Variants in USP47 observed in about 807,000 individuals in gnomAD.
The protein encoded by USP47 is ubiquitin specific peptidase 47.
A neutral mutation model predicts 165.1 loss-of-function variants in USP47; 35 were observed. The observed-to-expected ratio is 0.21, with a 90% CI of 0.16 to 0.28. USP47 has a LOEUF of 0.28. Among genes scored for constraint, USP47 ranks in the 10% least tolerant of loss-of-function variants. The pLI is 1.00. For synonymous variants in USP47, 531 were observed against 544.5 expected, an observed-to-expected ratio of 0.98 and a Z score of 0.35; for missense variants, 1,277 against 1,607.4, an observed-to-expected ratio of 0.79 and a Z score of 3.52.
intron 1 of USP47, among the ~76,000 whole-genome samples, chr11:11,843,324 G>A (rs2134097573): frequency 6.6e-6 from 1 of 152,314 alleles, no homozygotes; most frequent in South Asian, 2.1e-4. Flanking sequence ...TTTGTCAGAA[G>A]GGCAGTGATA....
Position 11,842,216 on chromosome 11 carries a change from C to G in USP47, c.31C>G (p.Pro11Ala), listed in dbSNP as rs773163820. The G allele has an allele frequency of 6.4e-7, 1 of 1,553,608 alleles. No individual in the cohort carries two copies. MVPGEENQLV[P>A]KEIENAAEEP... ...GCCCGGCGAGGAGAACCAACTGGTC[C>G]CGAAAGAGGTGAGGGGCCCCAGAGG... Residue 11 changes from proline to alanine, a missense_variant, in exon 1 of 28, where the codon CCG (proline) becomes GCG (alanine). Pro to Ala is a conservative substitution (Grantham distance 27, BLOSUM62 -1). Transcript: ENST00000527733.
intron 1 of USP47, among the ~76,000 whole-genome samples, chr11:11,859,492 G>A (rs1346427471): frequency 1.3e-5 from 2 of 152,046 alleles, no homozygotes; most frequent in Non-Finnish European, 2.9e-5. Context: ...AAGGTTTGTC[G>A]CTAAATTATG....
At chr11:11,844,727 T>C (rs886630656) in intron 1 of USP47, among the ~76,000 whole-genome samples, 1 of 152,148 alleles carries the variant, frequency 6.6e-6, no homozygotes, top group Non-Finnish European at 1.5e-5. Flanking sequence ...TCTAAAGATT[T>C]TTTTTTTTTG....
intron 1 of USP47, among the ~76,000 whole-genome samples, chr11:11,849,140 C>A (rs374694063): frequency 6.7e-5 from 10 of 149,686 alleles, no homozygotes; most frequent in African/African-American, 2.0e-4. Flanking sequence ...TGGGCTTAAG[C>A]AATCCTCCTG....
intron 17 of USP47, among the ~76,000 whole-genome samples, chr11:11,937,525 C>T (rs1257727133): frequency 6.7e-6 from 1 of 149,914 alleles, no homozygotes; most frequent in Non-Finnish European, 1.5e-5. Flanking sequence ...ACTTCGACTT[C>T]TAAGACTCTA....
chr11:11,946,772 G>T (rs886966173), intron 20 of USP47, among the ~76,000 whole-genome samples: 5 of 152,142 alleles, frequency 3.3e-5, no homozygotes, highest in African/African-American at 1.2e-4. Flanking sequence ...GAGAAATGCT[G>T]CCTCAAAACT....
chr11:11,851,397 T>G (rs1448278260), intron 1 of USP47, among the ~76,000 whole-genome samples: 2 of 152,224 alleles, frequency 1.3e-5, no homozygotes, highest in Non-Finnish European at 2.9e-5. Flanking sequence ...TGGTCAGTTC[T>G]AGTTTGGACT....
intron 1 of USP47, among the ~76,000 whole-genome samples, chr11:11,874,941 T>C (rs1247033649): frequency 2.0e-5 from 3 of 152,100 alleles, no homozygotes; most frequent in African/African-American, 7.2e-5. Context: ...TACATTAATC[T>C]TGAACTGTGG....
chr11:11,937,277 G>A (rs1487900082), intron 17 of USP47, among the ~76,000 whole-genome samples: 1 of 151,802 alleles, frequency 6.6e-6, no homozygotes, highest in African/African-American at 2.4e-5. Context: ...TTTTGTCTTG[G>A]CCCTAACTCC....
chr11:11,935,112 A>G (rs1302479661), intron 16 of USP47, among the ~76,000 whole-genome samples: 2 of 152,122 alleles, frequency 1.3e-5, no homozygotes, highest in Admixed American at 1.3e-4. Flanking sequence ...ATTCTTAGGC[A>G]TAGTCAAGTT....
chr11:11,898,157 T>C (rs138085139), intron 5 of USP47, among the ~76,000 whole-genome samples: 169 of 150,356 alleles, frequency 1.1e-3, no homozygotes, highest in African/African-American at 3.9e-3. Context: ...GTGTGTTTCC[T>C]TCTAAAAGAC....
At position 11,942,765 on chromosome 11, in the gene USP47, C is replaced by T; in HGVS notation, c.2744C>T (p.Pro915Leu). The change falls in exon 20 of 28, where the codon CCA becomes CTA. Residue 915 changes from proline (P) to leucine (L), a missense_variant. Transcript: ENST00000527733. ...GAACAGCATATTCAGACTTCTGATC[C>T]AGAAAATTTTCAGTCTGAAGAACGA... ...ELEQHIQTSD[P>L]ENFQSEERSD... The T allele has an allele frequency of 6.2e-7, 1 of 1,613,508 alleles. No homozygotes were observed. Among genetic ancestry groups the T allele is most frequent in the East Asian group, 2.2e-5 (1 of 44,858 alleles).
At position 11,927,907 on chromosome 11, in the gene USP47, A is replaced by G. The variant is rs920549703; in HGVS notation, c.1387-1527A>G. ...GTGATTTGAAACTAAAATTATTGCA[A>G]TTGGGAACCCTTACTCTGTCATGAC... On this transcript the variant is annotated intron_variant, in intron 11 of 27. Transcript: ENST00000527733. Among the ~76,000 whole-genome samples, 54 of 152,050 alleles carry G rather than the reference A, an allele frequency of 3.6e-4. 1 individual carries two copies. The highest frequency in any genetic ancestry group is 1.5e-4 in the Non-Finnish European group (10 of 67,922).
At chr11:11,947,526 TATC>T (rs1453079983) in intron 20 of USP47, among the ~76,000 whole-genome samples, 2 of 152,214 alleles carry the variant, frequency 1.3e-5, no homozygotes, top group Non-Finnish European at 2.9e-5. Context: ...TGGGCACTAT[TATC>T]ATCTCCATTT....
intron 3 of USP47, among the ~76,000 whole-genome samples, chr11:11,885,956 A>G (rs1227507824): frequency 2.0e-5 from 3 of 152,244 alleles, no homozygotes; most frequent in Non-Finnish European, 1.5e-5. Context: ...AACTGAGGCA[A>G]CTAGGGTCTG....
At position 11,961,796 on chromosome 11, in the gene USP47, C is replaced by G. The variant is rs1564902013; in HGVS notation, c.*5621C>G. ...CTGAGAACAGCTGTTGAGCAGTTTA[C>G]CTGACGGCATCTGCCATGGCTTGGC... On this transcript the variant is annotated 3_prime_UTR_variant, in exon 28 of 28. Coordinates refer to ENST00000527733, the MANE Select transcript of USP47 (RefSeq NM_001282659.2). Among the ~76,000 whole-genome samples, 1 of 152,242 alleles carries G rather than the reference C, an allele frequency of 6.6e-6. No homozygotes were observed. The highest frequency in any genetic ancestry group is 1.5e-5 in the Non-Finnish European group (1 of 68,048).
At chr11:11,935,993 A>G (rs1385745738) in intron 16 of USP47, among the ~76,000 whole-genome samples, 2 of 151,974 alleles carry the variant, frequency 1.3e-5, no homozygotes, top group Non-Finnish European at 2.9e-5. Context: ...ATTATGAACA[A>G]TAGTTACAAT....
chr11:11,845,688 A>G (rs1848389117), intron 1 of USP47, among the ~76,000 whole-genome samples: 1 of 152,194 alleles, frequency 6.6e-6, no homozygotes, highest in African/African-American at 2.4e-5. Flanking sequence ...ACAGAGTTGT[A>G]AGTAAATTTA....
At chr11:11,925,428 T>C (rs759790170) in intron 11 of USP47, among the ~76,000 whole-genome samples, 85 of 152,174 alleles carry the variant, frequency 5.6e-4, no homozygotes, top group Non-Finnish European at 1.0e-3. Context: ...GGTTTTTCAC[T>C]GTATGAGTCT....
Sources: gnomAD v4.1 joint callset for allele counts (sites outside exome capture counted in the v4.1 genomes callset) on GRCh38, gnomAD v4.1.1 for gene constraint, MANE v1.5 for transcripts, NCBI Gene and HGNC (gene_info 2026-07-23, HGNC 2026-07-21) for gene names.